Variants in CHL1 observed in about 807,000 individuals in gnomAD.
The protein encoded by CHL1 is neural cell adhesion molecule L1-like protein.
CHL1 carries 96 observed loss-of-function variants against 141.9 expected under a neutral mutation model. The observed-to-expected ratio is 0.68, with a 90% CI of 0.57 to 0.80. The LOEUF is 0.80. Among genes scored for constraint, CHL1 ranks in the 30% least tolerant of loss-of-function variants. The pLI, the probability that CHL1 is intolerant of heterozygous loss-of-function variation, is 0.00. For missense variants in CHL1, 1,820 were observed against 1,457.2 expected, an observed-to-expected ratio of 1.25 and a Z score of -4.05; for synonymous variants, 613 against 502.2, an observed-to-expected ratio of 1.22 and a Z score of -2.95.
intron 1 of CHL1, among the ~76,000 whole-genome samples, chr3:234,568 C>G (rs1014327580): frequency 3.3e-5 from 5 of 152,030 alleles, no homozygotes; most frequent in Non-Finnish European, 7.4e-5. Flanking sequence ...AAGTTTAGCT[C>G]TTGGTTTGCT....
At position 230,749 on chromosome 3, in the gene CHL1, CTT is replaced by C. The variant is rs202236255; in HGVS notation, c.-174-13863_-174-13862del. Among the ~76,000 whole-genome samples the C allele has an allele frequency of 5.1e-3, 769 of 152,168 alleles. 5 individuals are homozygous for C. The highest frequency in any genetic ancestry group is 0.028 in the South Asian group (137 of 4,816). Reference sequence around the variant, plus strand: ...TTTGTATTGTGGTAAAATGTAGACTCTTATATTCTTATAGGCAGATTGCAATA... The same window carrying C: ...TTTGTATTGTGGTAAAATGTAGACTCATATTCTTATAGGCAGATTGCAATA... On this transcript the variant is annotated intron_variant, in intron 1 of 27. Coordinates refer to ENST00000256509, the MANE Select transcript of CHL1 (RefSeq NM_006614.4).
chr3:330,594 G>A (rs1701360151), intron 5 of CHL1, among the ~76,000 whole-genome samples: 1 of 152,002 alleles, frequency 6.6e-6, no homozygotes, highest in African/African-American at 2.4e-5. Flanking sequence ...TAGAAAATAA[G>A]TAAACTATTT....
In CHL1 at chr3:398,395, G is replaced by A; in HGVS notation, c.3253+10G>A. 6.4e-7 allele frequency: 1 copy of A among 1,574,592 alleles called. No homozygotes were observed. The highest frequency in any genetic ancestry group is 1.1e-5 in the South Asian group (1 of 89,744). ...GAGACAAGAGGGAGAGGTGAGAAAT[G>A]AGATTATATTTGGGGAAGTCTTAGT... On this transcript the variant is annotated intron_variant, in intron 25 of 27. Coordinates refer to ENST00000256509, the MANE Select transcript of CHL1 (RefSeq NM_006614.4).
At chr3:286,153 C>T (rs1430233715) in intron 2 of CHL1, among the ~76,000 whole-genome samples, 5 of 152,154 alleles carry the variant, frequency 3.3e-5, no homozygotes, top group Admixed American at 1.3e-4. Flanking sequence ...CACCCTACCC[C>T]AGATAACACC....
chr3:261,560 G>C lies in CHL1; in HGVS notation c.-95+16868G>C, dbSNP rs535392072. On this transcript the variant is annotated intron_variant, in intron 2 of 27. Coordinates refer to ENST00000256509, the MANE Select transcript of CHL1 (RefSeq NM_006614.4). ...CCTCAAAAAGTCACAAACTCATTGA[G>C]CTAAGATCTTACTTGTAAAATATAT... Among the ~76,000 whole-genome samples the C allele has an allele frequency of 3.3e-5, 5 of 152,160 alleles. No individual in the cohort carries two copies. The East Asian group carries it at 9.7e-4, about 29-fold the overall frequency.
chr3:236,010 G>A (rs1283250668), intron 1 of CHL1, among the ~76,000 whole-genome samples: 3 of 152,116 alleles, frequency 2.0e-5, no homozygotes, highest in Admixed American at 6.6e-5. Flanking sequence ...GTTTGACTAT[G>A]CAACATGCTT....
At chr3:232,678 C>A (rs1257957423) in intron 1 of CHL1, among the ~76,000 whole-genome samples, 3 of 151,890 alleles carry the variant, frequency 2.0e-5, no homozygotes, top group Non-Finnish European at 2.9e-5. Context: ...TAGATATTTT[C>A]TGTGTTACAG....
intron 1 of CHL1, among the ~76,000 whole-genome samples, chr3:224,780 G>A (rs1306281868): frequency 6.6e-6 from 1 of 152,168 alleles, no homozygotes; most frequent in East Asian, 1.9e-4. Context: ...TGCAAACGTA[G>A]CTTCCCTGTT....
At chr3:314,329 G>GTATATGTATA (rs1699996981) in intron 2 of CHL1, among the ~76,000 whole-genome samples, 1 of 65,344 alleles carries the variant, frequency 1.5e-5, no homozygotes, top group Non-Finnish European at 3.0e-5. Flanking sequence ...CTCTCTATGT[G>GTATATGTATA]TATATATATA....
chr3:318,745 T>C (rs907549594), intron 2 of CHL1, among the ~76,000 whole-genome samples: 1 of 151,468 alleles, frequency 6.6e-6, no homozygotes, highest in Non-Finnish European at 1.5e-5. Context: ...TCCTCTATCT[T>C]GCTGGAACTA....
chr3:245,497 T>C (rs1337335980), intron 2 of CHL1, among the ~76,000 whole-genome samples: 3 of 152,130 alleles, frequency 2.0e-5, no homozygotes, highest in Admixed American at 2.0e-4. Context: ...TCACGACTAG[T>C]TTTTAAAGAC....
intron 1 of CHL1, chr3:198,007 G>A (rs755734869): frequency 3.4e-5 from 12 of 351,714 alleles, no homozygotes; most frequent in Non-Finnish European, 5.7e-5. Flanking sequence ...GGCTCGCTGC[G>A]AGCCACAGTG....
At chr3:383,720 C>T (rs534183028) in intron 18 of CHL1, 96 bp from the exon 19 acceptor site, 1 of 732,958 alleles carries the variant, frequency 1.4e-6, no homozygotes. Flanking sequence ...ATCAAACTTA[C>T]TTAATTATCT....
intron 5 of CHL1, among the ~76,000 whole-genome samples, chr3:328,957 T>C (rs1233785684): frequency 1.3e-5 from 2 of 152,156 alleles, no homozygotes; most frequent in African/African-American, 2.4e-5. Flanking sequence ...CTAACATCAA[T>C]AGTATGATGC....
chr3:363,159 A>C, intron 13 of CHL1, 58 bp from the exon 14 acceptor site: 1 of 1,469,338 alleles, frequency 6.8e-7, no homozygotes, highest in Non-Finnish European at 9.3e-7. Flanking sequence ...GACTAGTATT[A>C]AAAAGCGTAT....
intron 1 of CHL1, among the ~76,000 whole-genome samples, chr3:208,775 C>T (rs1417793603): frequency 2.6e-5 from 4 of 151,976 alleles, no homozygotes; most frequent in Admixed American, 2.0e-4. Context: ...TATCCCATGT[C>T]CAAAAGTATT....
In CHL1 at chr3:260,887, G is replaced by A. The variant is rs117443164; in HGVS notation, c.-95+16195G>A. Among the ~76,000 whole-genome samples the A allele has an allele frequency of 9.2e-5, 14 of 152,310 alleles. No homozygotes were observed. In the East Asian group the frequency reaches 2.3e-3, roughly 25 times the overall value. On this transcript the variant is annotated intron_variant, in intron 2 of 27. Coordinates refer to ENST00000256509, the MANE Select transcript of CHL1 (RefSeq NM_006614.4). Reference sequence around the variant, plus strand: ...TTTTTCTCAGACTTTTCCACAAGGCGTCAGCAGCTCTGTAACCACCAGATT... The same window carrying A: ...TTTTTCTCAGACTTTTCCACAAGGCATCAGCAGCTCTGTAACCACCAGATT...
chr3:383,381 T>C (rs1172298088), intron 18 of CHL1, among the ~76,000 whole-genome samples: 1 of 152,200 alleles, frequency 6.6e-6, no homozygotes, highest in Non-Finnish European at 1.5e-5. Context: ...AAAACTTGGC[T>C]GCTGATATTA....
intron 2 of CHL1, among the ~76,000 whole-genome samples, chr3:259,444 T>C (rs1404274308): frequency 6.6e-6 from 1 of 152,038 alleles, no homozygotes; most frequent in Non-Finnish European, 1.5e-5. Context: ...TGACCCCAAG[T>C]TCAAGCTGAG....
Sources: gnomAD v4.1 joint callset for allele counts (sites outside exome capture counted in the v4.1 genomes callset) on GRCh38, gnomAD v4.1.1 for gene constraint, MANE v1.5 for transcripts, NCBI Gene and HGNC (gene_info 2026-07-23, HGNC 2026-07-21) for gene names.